RYR2: variants seen among roughly 807,000 people sequenced by gnomAD.
The protein encoded by RYR2 is cardiac muscle ryanodine receptor-calcium release channel.
In RYR2, 227 loss-of-function variants were observed where a neutral mutation model predicts 601.1. That is an observed-to-expected ratio of 0.38 (90% CI 0.34 to 0.42). RYR2 has a LOEUF of 0.42. Ranked by LOEUF, RYR2 falls within the 10% of genes least tolerant of loss-of-function variation. The probability of loss-of-function intolerance (pLI) is 1.00; values close to 1 mark genes in which losing one functional copy is unlikely to be tolerated. For missense variants in RYR2, 4,646 were observed against 6,156.5 expected, an observed-to-expected ratio of 0.75 and a Z score of 8.21; for synonymous variants, 2,223 against 2,175.1, an observed-to-expected ratio of 1.02 and a Z score of -0.61.
At chr1:237,406,720 A>G (rs1361356649) in intron 10 of RYR2, among the ~76,000 whole-genome samples, 2 of 152,190 alleles carry the variant, frequency 1.3e-5, no homozygotes, top group East Asian at 3.9e-4. Context: ...AAAAATTAAT[A>G]GACTTTATTA....
chr1:237,678,604 A>G (rs1191957863), intron 61 of RYR2, among the ~76,000 whole-genome samples: 1 of 152,148 alleles, frequency 6.6e-6, no homozygotes, highest in Non-Finnish European at 1.5e-5. Context: ...TCCCATTGGT[A>G]TTATTTATTT....
chr1:237,705,312 C>T lies in RYR2; in HGVS notation c.9549C>T (p.Ile3183=), dbSNP rs1360654111. 2.5e-6 allele frequency: 4 copies of T among 1,604,908 alleles called. No individual in the cohort carries two copies. Among genetic ancestry groups the T allele is most frequent in the Non-Finnish European group, 3.4e-6 (4 of 1,174,896 alleles). ...TGGACAAACATAATATTTACTCCAT[C>T]TACAATACCAAGTCTTCACGAGAAA... ...THLDKHNIYS[I]YNTKSSRERA... Residue 3183 remains isoleucine, a synonymous_variant, in exon 67 of 105, where the codon ATC becomes ATT. Transcript: ENST00000366574.
At chr1:237,594,901 T>TTTTTTTTTG (rs1675677891) in intron 33 of RYR2, among the ~76,000 whole-genome samples, 2 of 20,256 alleles carry the variant, frequency 9.9e-5, no homozygotes, top group Non-Finnish European at 3.8e-4. Flanking sequence ...TTTTTTTTTT[T>TTTTTTTTTG]TTTTTTTTTT....
chr1:237,145,541 T>C (rs985020341), intron 1 of RYR2, among the ~76,000 whole-genome samples: 1 of 152,326 alleles, frequency 6.6e-6, no homozygotes, highest in Middle Eastern at 3.4e-3. Context: ...TGTTTTGTTT[T>C]CCTATGTATG....
intron 2 of RYR2, among the ~76,000 whole-genome samples, chr1:237,278,245 A>ATTTTTTTTTTT (rs71561863): frequency 1.3e-4 from 9 of 67,018 alleles, no homozygotes; most frequent in South Asian, 7.6e-4. Context: ...TAATTTTTGT[A>ATTTTTTTTTTT]TTTTTTTTTT....
chr1:237,380,907 G>A (rs1405386247), intron 8 of RYR2, among the ~76,000 whole-genome samples: 3 of 151,908 alleles, frequency 2.0e-5, no homozygotes, highest in Admixed American at 1.3e-4. Context: ...GTGAAGCCCC[G>A]TCTCTACTAA....
rs140144693 is a variant in RYR2, at chr1:237,049,982, T to A, written c.48+7413T>A. Reference sequence around the variant, plus strand: ...ATGTTACAGTCAGCCTCAAAGCCCATGTGGAAGGTATATTTCCTGGTTTCT... The same window carrying A: ...ATGTTACAGTCAGCCTCAAAGCCCAAGTGGAAGGTATATTTCCTGGTTTCT... On this transcript the variant is annotated intron_variant, in intron 1 of 104. Transcript: ENST00000366574. Among the ~76,000 whole-genome samples the A allele has an allele frequency of 3.1e-3, 476 of 152,312 alleles. 3 individuals are homozygous for A. Among genetic ancestry groups the A allele is most frequent in the African/African-American group, 0.011 (447 of 41,570 alleles).
chr1:237,108,066 G>A (rs931509852), intron 1 of RYR2, among the ~76,000 whole-genome samples: 2 of 152,198 alleles, frequency 1.3e-5, no homozygotes, highest in Admixed American at 6.5e-5. Flanking sequence ...CTCTGTGGAA[G>A]CTGGTTCATG....
chr1:237,490,751 G>A (rs1343415737), intron 17 of RYR2, among the ~76,000 whole-genome samples: 1 of 152,172 alleles, frequency 6.6e-6, no homozygotes, highest in East Asian at 1.9e-4. Context: ...AACAGTCCTC[G>A]TTTTGTAATG....
chr1:237,539,235 A>G (rs1247642667), intron 25 of RYR2, among the ~76,000 whole-genome samples: 1 of 152,068 alleles, frequency 6.6e-6, no homozygotes, highest in Non-Finnish European at 1.5e-5. Context: ...TCTGAGTTTG[A>G]CTCTCACTTC....
In RYR2 at chr1:237,610,877, C is replaced by T. The variant is rs759952370; in HGVS notation, c.4799C>T (p.Pro1600Leu). The T allele has an allele frequency of 3.7e-6, 6 of 1,613,374 alleles. No individual in the cohort carries two copies. The highest frequency in any genetic ancestry group is 2.2e-5 in the South Asian group (2 of 90,868). ...FLSHVLWSRM[P>L]NQFLKVDVSR... The stretch of plus-strand genomic sequence containing the variant: ...TCACACGTCCTGTGGAGCAGAATGC[C>T]CAACCAGTTTTTGAAGGTAGATGTG... Residue 1600 changes from proline (P) to leucine (L), a missense_variant, in exon 36 of 105, where the codon CCC becomes CTC. Coordinates refer to ENST00000366574, the MANE Select transcript of RYR2 (RefSeq NM_001035.3). This position sits in a 1 kb window ranked among gnomAD's most constrained non-coding sequence, Gnocchi z 4.9.
intron 82 of RYR2, 144 bp downstream of exon 82, chr1:237,757,920 G>C: frequency 5.8e-6 from 3 of 514,882 alleles, no homozygotes; most frequent in Non-Finnish European, 1.0e-5. Flanking sequence ...GAGAGCAAAA[G>C]AGGGAAAAAG....
chr1:237,429,152 T>C (rs1706522545), intron 12 of RYR2, among the ~76,000 whole-genome samples: 1 of 152,140 alleles, frequency 6.6e-6, no homozygotes, highest in Admixed American at 6.5e-5. Flanking sequence ...CTCCTTGGCT[T>C]TTTAAATAAA....
At chr1:237,482,082 T>C (rs1207459512) in intron 17 of RYR2, among the ~76,000 whole-genome samples, 1 of 152,166 alleles carries the variant, frequency 6.6e-6, no homozygotes, top group Non-Finnish European at 1.5e-5. Flanking sequence ...TATATACTCA[T>C]GGGACACATG....
intron 10 of RYR2, among the ~76,000 whole-genome samples, chr1:237,388,850 T>C (rs1272438220): frequency 6.6e-6 from 1 of 152,188 alleles, no homozygotes; most frequent in Admixed American, 6.5e-5. Flanking sequence ...GAGAAGGTAC[T>C]GTGTGGATGG....
chr1:237,190,397 A>G (rs1448279378), intron 1 of RYR2, among the ~76,000 whole-genome samples: 1 of 152,088 alleles, frequency 6.6e-6, no homozygotes, highest in Non-Finnish European at 1.5e-5. Flanking sequence ...GGCCATTTGT[A>G]TATATTCTTT....
intron 5 of RYR2, among the ~76,000 whole-genome samples, chr1:237,364,604 G>A (rs1004144990): frequency 1.3e-5 from 2 of 151,902 alleles, no homozygotes; most frequent in Admixed American, 1.3e-4. Flanking sequence ...CTTTTAAAAG[G>A]TTTTTAAAAA....
intron 21 of RYR2, among the ~76,000 whole-genome samples, chr1:237,502,901 A>C (rs960508876): frequency 1.3e-5 from 2 of 151,270 alleles, no homozygotes; most frequent in African/African-American, 2.4e-5. Flanking sequence ...CTGTAATTTT[A>C]AGCATATAGA....
chr1:237,553,548 G>T (rs1670606744), intron 27 of RYR2, among the ~76,000 whole-genome samples: 1 of 151,804 alleles, frequency 6.6e-6, no homozygotes, highest in Non-Finnish European at 1.5e-5. Context: ...TTCTTCTTTT[G>T]CATTTCCATA....
Sources: allele counts gnomAD v4.1 joint callset (sites outside exome capture counted in the v4.1 genomes callset), GRCh38; gene constraint gnomAD v4.1.1; non-coding constraint Gnocchi (gnomAD v3.1); transcripts MANE v1.5; gene names NCBI Gene and HGNC (gene_info 2026-07-23, HGNC 2026-07-21).